Variants in RANBP2 observed in about 807,000 individuals in gnomAD.
RANBP2 encodes E3 SUMO-protein ligase RanBP2.
A neutral mutation model predicts 303.6 loss-of-function variants in RANBP2; 57 were observed. That is an observed-to-expected ratio of 0.19 (90% confidence interval 0.15 to 0.23). The LOEUF (loss-of-function observed/expected upper bound fraction) is 0.23, where lower values mean the gene tolerates loss of function less well. RANBP2 is among the 10% of genes least tolerant of loss of function. The pLI, the probability that RANBP2 is intolerant of heterozygous loss-of-function variation, is 1.00. For synonymous variants in RANBP2, 1,167 were observed against 1,301.5 expected, an observed-to-expected ratio of 0.90 and a Z score of 2.23; for missense variants, 3,138 against 3,780.8, an observed-to-expected ratio of 0.83 and a Z score of 4.46.
At chr2:108,846,281 T>A in the RANBP2 span, among the ~76,000 whole-genome samples, 3 of 152,230 alleles carry the variant, frequency 2.0e-5, no homozygotes, top group Non-Finnish European at 4.4e-5. Context: ...CAAATAATTT[T>A]TTAAGTTGAT....
At chr2:109,108,345 C>T in the RANBP2 span, among the ~76,000 whole-genome samples, 4 of 152,176 alleles carry the variant, frequency 2.6e-5, no homozygotes, top group Non-Finnish European at 4.4e-5. Context: ...GGACAGCAAC[C>T]GTTTTTAAAA....
chr2:108,871,261 G>A, the RANBP2 span, among the ~76,000 whole-genome samples: 4 of 150,962 alleles, frequency 2.6e-5, no homozygotes, highest in East Asian at 7.8e-4. Context: ...AGCCAGGTGT[G>A]GTGTCTCATG....
chr2:108,921,100 C>A, the RANBP2 span, among the ~76,000 whole-genome samples: 1 of 152,172 alleles, frequency 6.6e-6, no homozygotes, highest in Admixed American at 6.5e-5. Context: ...CTGCGAATCA[C>A]CCCCCTGAAA....
chr2:109,711,054 G>A, the RANBP2 span, among the ~76,000 whole-genome samples: 1 of 151,892 alleles, frequency 6.6e-6, no homozygotes, highest in African/African-American at 2.4e-5. Flanking sequence ...TCTGTAAGCT[G>A]GTGACACATT....
the RANBP2 span, among the ~76,000 whole-genome samples, chr2:109,033,817 G>A: frequency 1.3e-5 from 2 of 151,886 alleles, no homozygotes; most frequent in African/African-American, 2.4e-5. Flanking sequence ...TGAGCCAGGT[G>A]TGGTGGCGGG....
chr2:109,364,108 C>T, the RANBP2 span, among the ~76,000 whole-genome samples: 1 of 151,716 alleles, frequency 6.6e-6, no homozygotes, highest in Non-Finnish European at 1.5e-5. Context: ...TATAATTGCC[C>T]CACAATTCTT....
At chr2:109,456,296 G>A in the RANBP2 span, among the ~76,000 whole-genome samples, 1 of 152,228 alleles carries the variant, frequency 6.6e-6, no homozygotes, top group Admixed American at 6.5e-5. Context: ...TCCTCTTCCT[G>A]TTCCCCTATT....
At chr2:108,798,689 T>G in the RANBP2 span, 8 of 762,332 alleles carry the variant, frequency 1.0e-5, no homozygotes, top group Admixed American at 8.5e-5. Flanking sequence ...CTCCTTCCCT[T>G]CCTCCTCCTC....
At chr2:109,512,225 T>C in the RANBP2 span, among the ~76,000 whole-genome samples, 3 of 152,038 alleles carry the variant, frequency 2.0e-5, no homozygotes, top group East Asian at 5.8e-4. Context: ...GGCCCCACTG[T>C]CCTTTGCTGC....
rs1212095368 is a variant in RANBP2 at position 108,736,392 on chromosome 2, G to T, written c.782+143G>T. 2.0e-6 allele frequency: 3 copies of T among 1,490,048 alleles called. No individual in the cohort carries two copies. The African/African-American group carries it at 4.2e-5, about 21-fold the overall frequency. The allele number at this position is 1,490,048 out of a possible 1,614,324, so 92.3% of individuals were successfully genotyped here. On this transcript the variant is annotated intron_variant, in intron 6 of 28. Transcript: ENST00000283195. ...TAGTTAATACAGTGAACAACTAGGAGGCAATCTTATTTTTCTTCTTTTACG... is the reference window on the plus strand; with the variant it reads ...TAGTTAATACAGTGAACAACTAGGATGCAATCTTATTTTTCTTCTTTTACG...
At chr2:108,793,617 G>T in the RANBP2 span, among the ~76,000 whole-genome samples, 1 of 149,224 alleles carries the variant, frequency 6.7e-6, no homozygotes, top group Non-Finnish European at 1.5e-5. Context: ...TTTTTTTTGA[G>T]ATGGAGTCTC....
chr2:109,669,591 A>T, the RANBP2 span, among the ~76,000 whole-genome samples: 1 of 152,202 alleles, frequency 6.6e-6, no homozygotes, highest in Non-Finnish European at 1.5e-5. Context: ...CCCCTGCTAG[A>T]ACTAGAATTC....
chr2:109,591,195 T>C, the RANBP2 span, among the ~76,000 whole-genome samples: 2 of 152,218 alleles, frequency 1.3e-5, no homozygotes, highest in Admixed American at 1.3e-4. Context: ...CGTGAAAGTG[T>C]TCAAGATGGT....
At chr2:108,962,708 A>C in the RANBP2 span, among the ~76,000 whole-genome samples, 1 of 147,656 alleles carries the variant, frequency 6.8e-6, no homozygotes, top group African/African-American at 2.5e-5. Context: ...AAAAGAGAGA[A>C]AGGAATGCAA....
intron 14 of RANBP2, 109 bp from the exon 15 acceptor site, chr2:108,753,716 C>T: frequency 3.8e-6 from 6 of 1,589,870 alleles, no homozygotes; most frequent in Non-Finnish European, 5.1e-6. Context: ...ATTCTTGTGC[C>T]TCAGCTCCCG....
At chr2:109,033,430 T>C in the RANBP2 span, among the ~76,000 whole-genome samples, 2 of 152,232 alleles carry the variant, frequency 1.3e-5, no homozygotes, top group East Asian at 3.9e-4. Context: ...ATCACAGAGA[T>C]GACAAGTATT....
chr2:109,291,141 G>T, the RANBP2 span, among the ~76,000 whole-genome samples: 660 of 152,338 alleles, frequency 4.3e-3, 7 homozygotes, highest in South Asian at 0.021. Flanking sequence ...CTGATTTGGG[G>T]CACTTGTCTC....
At chr2:109,101,606 C>T in the RANBP2 span, among the ~76,000 whole-genome samples, 3,278 of 152,248 alleles carry the variant, frequency 0.022, 123 homozygotes, top group African/African-American at 0.075. Context: ...CAACAGTATT[C>T]CCATAGTTAC....
chr2:108,932,972 G>A, the RANBP2 span, among the ~76,000 whole-genome samples: 9 of 152,190 alleles, frequency 5.9e-5, no homozygotes, highest in Non-Finnish European at 1.3e-4. Context: ...AACAGCACAT[G>A]CCCTCGCTCC....
Sources: gnomAD v4.1 joint callset for allele counts (sites outside exome capture counted in the v4.1 genomes callset) on GRCh38, gnomAD v4.1.1 for gene constraint, MANE v1.5 for transcripts, NCBI Gene and HGNC (gene_info 2026-07-23, HGNC 2026-07-21) for gene names.